The following TENM4 variants were observed in gnomAD, a reference collection of about 807,000 sequenced individuals.
TENM4 encodes the protein teneurin-4.
In TENM4, 82 loss-of-function variants were observed where a neutral mutation model predicts 243.3. That is an observed-to-expected ratio of 0.34 (90% confidence interval 0.28 to 0.40). TENM4 has a LOEUF of 0.40. Among genes scored for constraint, TENM4 ranks in the 10% least tolerant of loss-of-function variants. The probability of loss-of-function intolerance (pLI) is 1.00; values close to 1 mark genes in which losing one functional copy is unlikely to be tolerated. For synonymous variants in TENM4, 1,412 were observed against 1,456.3 expected, an observed-to-expected ratio of 0.97 and a Z score of 0.69; for missense variants, 3,138 against 3,673.3, an observed-to-expected ratio of 0.85 and a Z score of 3.77.
chr11:78,750,047 C>A (rs982437243), intron 19 of TENM4, among the ~76,000 whole-genome samples: 1 of 152,156 alleles, frequency 6.6e-6, no homozygotes, highest in African/African-American at 2.4e-5. Context: ...CATAATTATC[C>A]TCCAGACACA....
intron 1 of TENM4, among the ~76,000 whole-genome samples, chr11:79,362,322 T>C (rs1857604232): frequency 6.6e-6 from 1 of 152,204 alleles, no homozygotes; most frequent in African/African-American, 2.4e-5. Flanking sequence ...GGGGAAATAA[T>C]ACCTGTTCAT....
At chr11:79,096,372 T>A (rs1470720051) in intron 4 of TENM4, 1 of 152,228 alleles carries the variant, frequency 6.6e-6, no homozygotes, top group Non-Finnish European at 1.5e-5. Context: ...ATTAGGATGA[T>A]GTACTGACAA....
At chr11:78,911,325 T>A (rs897826773) in intron 6 of TENM4, among the ~76,000 whole-genome samples, 1 of 152,170 alleles carries the variant, frequency 6.6e-6, no homozygotes, top group Non-Finnish European at 1.5e-5. Context: ...TAAGACTTTA[T>A]TCTCTGTTTG....
intron 2 of TENM4, among the ~76,000 whole-genome samples, chr11:79,238,632 T>C (rs1864525332): frequency 1.3e-5 from 2 of 152,074 alleles, no homozygotes; most frequent in Non-Finnish European, 2.9e-5. Context: ...TTCCAAGCCC[T>C]CATAATTGCC....
chr11:78,990,882 AACTACC>A, intron 6 of TENM4, among the ~76,000 whole-genome samples: 1 of 152,328 alleles, frequency 6.6e-6, no homozygotes, highest in African/African-American at 2.4e-5. Flanking sequence ...TGACTTTTTC[AACTACC>A]ATGTGTTAAC....
At chr11:79,272,431 G>A (rs1387648312) in intron 2 of TENM4, among the ~76,000 whole-genome samples, 1 of 152,038 alleles carries the variant, frequency 6.6e-6, no homozygotes, top group Non-Finnish European at 1.5e-5. Context: ...ATATTATAAT[G>A]TTGCTACCTA....
intron 6 of TENM4, among the ~76,000 whole-genome samples, chr11:78,963,762 C>T (rs1857380259): frequency 6.8e-6 from 1 of 146,318 alleles, no homozygotes; most frequent in South Asian, 2.2e-4. Flanking sequence ...GACAGAGTCT[C>T]ACTCTGTCAC....
chr11:78,848,763 C>T (rs1858460196), intron 12 of TENM4, among the ~76,000 whole-genome samples: 1 of 152,134 alleles, frequency 6.6e-6, no homozygotes, highest in South Asian at 2.1e-4. Flanking sequence ...CCATGTCATA[C>T]CTTCCCTGTA....
intron 6 of TENM4, among the ~76,000 whole-genome samples, chr11:79,040,833 G>A (rs1214395036): frequency 6.6e-6 from 1 of 152,108 alleles, no homozygotes; most frequent in African/African-American, 2.4e-5. Context: ...ATCTCAATGT[G>A]CATAAGAAGC....
At chr11:78,997,241 C>T (rs527432428) in intron 6 of TENM4, among the ~76,000 whole-genome samples, 3 of 152,166 alleles carry the variant, frequency 2.0e-5, no homozygotes, top group South Asian at 4.1e-4. Context: ...AGCAGTCCAG[C>T]GTGTTCTCTC....
chr11:79,228,757 T>G (rs915186649), intron 2 of TENM4, among the ~76,000 whole-genome samples: 3 of 152,174 alleles, frequency 2.0e-5, no homozygotes, highest in African/African-American at 4.8e-5. Flanking sequence ...AGTTAGAGAT[T>G]ATAGAAAAAT....
intron 6 of TENM4, among the ~76,000 whole-genome samples, chr11:78,981,072 C>T (rs1857781032): frequency 6.6e-6 from 1 of 152,134 alleles, no homozygotes; most frequent in South Asian, 2.1e-4. Context: ...GCAGAGAGCA[C>T]TGACATCCAT....
intron 6 of TENM4, among the ~76,000 whole-genome samples, chr11:79,053,446 G>A (rs1052282544): frequency 2.2e-4 from 34 of 152,128 alleles, no homozygotes; most frequent in African/African-American, 7.5e-4. Flanking sequence ...TCACCTTCAG[G>A]ACAAAGGCTG....
intron 1 of TENM4, among the ~76,000 whole-genome samples, chr11:79,384,019 G>A (rs1276062391): frequency 6.6e-6 from 1 of 151,996 alleles, no homozygotes; most frequent in Non-Finnish European, 1.5e-5. Context: ...TCTTCCCCAT[G>A]GGTTCATCTG....
At chr11:78,877,316 C>A (rs1859292245) in intron 9 of TENM4, among the ~76,000 whole-genome samples, 1 of 152,190 alleles carries the variant, frequency 6.6e-6, no homozygotes, top group Non-Finnish European at 1.5e-5. Flanking sequence ...AGCTCTGCTC[C>A]CGCCTTGTCC....
chr11:78,805,282 C>CCCCACCCCACCCCCCCCCCCCA lies in TENM4; in HGVS notation c.2179+9_2179+10insTGGGGGGGGGGGGTGGGGTGGG. 2.0e-6 allele frequency: 2 copies of CCCCACCCCACCCCCCCCCCCCA among 995,566 alleles called. No homozygotes were observed. The highest frequency in any genetic ancestry group is 2.4e-6 in the Non-Finnish European group (2 of 823,788). 61.7% of individuals were successfully genotyped at this position (995,566 alleles called of 1,614,324 possible). ...CCCTCTACCCATGCTTCTTCTCCCC[C>CCCCACCCCACCCCCCCCCCCCA]TGCATTTACCGATAGAACAGTCGTG... On this transcript the variant is annotated intron_variant, in intron 15 of 33. Transcript: ENST00000278550.
At chr11:79,202,706 T>C (rs1043520793) in intron 3 of TENM4, among the ~76,000 whole-genome samples, 1 of 152,198 alleles carries the variant, frequency 6.6e-6, no homozygotes, top group Non-Finnish European at 1.5e-5. Context: ...ACTTCCACTG[T>C]GAGTGCTGGA....
intron 12 of TENM4, among the ~76,000 whole-genome samples, chr11:78,838,576 T>G (rs1483022272): frequency 3.3e-5 from 5 of 151,974 alleles, no homozygotes; most frequent in African/African-American, 1.2e-4. Context: ...TGGCATATGG[T>G]ATGAGGTGAG....
chr11:79,238,939 C>T (rs982518340), intron 2 of TENM4, among the ~76,000 whole-genome samples: 7 of 152,144 alleles, frequency 4.6e-5, no homozygotes, highest in South Asian at 2.1e-4. Context: ...GCATGAGAAT[C>T]GCTTAAACCT....
Sources: allele counts gnomAD v4.1 joint callset (sites outside exome capture counted in the v4.1 genomes callset), GRCh38; gene constraint gnomAD v4.1.1; transcripts MANE v1.5; gene names NCBI Gene and HGNC (gene_info 2026-07-23, HGNC 2026-07-21).